GULP1: variants seen among roughly 807,000 people sequenced by gnomAD.
GULP1 encodes the protein PTB domain-containing engulfment adapter protein 1.
A neutral mutation model predicts 40.9 loss-of-function variants in GULP1; 19 were observed. That is an observed-to-expected ratio of 0.46 (90% CI 0.32 to 0.68). GULP1 has a LOEUF of 0.68. Ranked by LOEUF, GULP1 falls within the 30% of genes least tolerant of loss-of-function variation. The pLI is 0.03. For synonymous variants in GULP1, 119 were observed against 117.6 expected (o/e 1.01, Z -0.08); for missense variants, 312 against 362.2 (o/e 0.86, Z 1.12).
At chr2:188,398,949 A>T (rs2152609743) in intron 2 of GULP1, among the ~76,000 whole-genome samples, 1 of 152,338 alleles carries the variant, frequency 6.6e-6, no homozygotes, top group Middle Eastern at 3.4e-3. Flanking sequence ...GGAAATTGGC[A>T]AATCATGAAT....
Position 188,584,422 on chromosome 2 carries a change from T to A in GULP1, c.748+19T>A. ...GAGATTAGTAAGCTTTCTCAACAAA[T>A]CAAAGTTTCTTGTTATAGTTGCATA... On this transcript the variant is annotated intron_variant, in intron 10 of 11. Coordinates refer to ENST00000409830, the MANE Select transcript of GULP1 (RefSeq NM_016315.4). 6.7e-7 allele frequency: 1 copy of A among 1,495,076 alleles called. No homozygotes were observed. The highest frequency in any genetic ancestry group is 9.1e-7 in the Non-Finnish European group (1 of 1,096,558). 92.6% of individuals were successfully genotyped at this position (1,495,076 alleles called of 1,614,324 possible). A position where few individuals can be genotyped will look rare whatever the true frequency, so the allele number is the denominator to read the frequency against.
chr2:188,434,881 C>G (rs921046740), intron 2 of GULP1, among the ~76,000 whole-genome samples: 1 of 151,696 alleles, frequency 6.6e-6, no homozygotes, highest in African/African-American at 2.4e-5. Context: ...ATGTTATTTT[C>G]TCCTCCTTTT....
chr2:188,549,164 A>T (rs990665902), intron 7 of GULP1, among the ~76,000 whole-genome samples: 1 of 79,896 alleles, frequency 1.3e-5, no homozygotes, highest in Non-Finnish European at 2.9e-5. Flanking sequence ...TTAGGAAAGC[A>T]TTCTTTTTTT....
chr2:188,555,620 CCTCTT>C (rs1694542288), intron 7 of GULP1, among the ~76,000 whole-genome samples: 1 of 152,138 alleles, frequency 6.6e-6, no homozygotes, highest in South Asian at 2.1e-4. Context: ...TAGACGCTTT[CCTCTT>C]GCTGTTTTTA....
In GULP1 at chr2:188,435,225, G is replaced by C. The variant is rs114349794; in HGVS notation, c.-44-42434G>C. Among the ~76,000 whole-genome samples, 523 of 152,010 alleles carry C rather than the reference G, an allele frequency of 3.4e-3. 1 individual carries two copies. Among genetic ancestry groups the C allele is most frequent in the Middle Eastern group, 0.01 (3 of 294 alleles). ...ACTTAGTCCTGAAAGGTAGCTTTTG[G>C]GAATTCATATGACTCAGATTGTTCC... On this transcript the variant is annotated intron_variant, in intron 2 of 11. Transcript: ENST00000409830.
chr2:188,509,971 A>G (rs2153194548), intron 4 of GULP1, among the ~76,000 whole-genome samples: 1 of 152,214 alleles, frequency 6.6e-6, no homozygotes, highest in Non-Finnish European at 1.5e-5. Context: ...CACAATAAAT[A>G]TTTTTGAGAT....
chr2:188,493,351 C>G (rs1028701172), intron 4 of GULP1, among the ~76,000 whole-genome samples: 2 of 151,972 alleles, frequency 1.3e-5, no homozygotes, highest in Non-Finnish European at 2.9e-5. Flanking sequence ...CTTACTTTTT[C>G]TTCGATGCCT....
At chr2:188,586,985 T>A (rs1398377623) in intron 10 of GULP1, among the ~76,000 whole-genome samples, 3 of 152,198 alleles carry the variant, frequency 2.0e-5, no homozygotes, top group South Asian at 4.1e-4. Context: ...TTAGAGAATG[T>A]AAAGTTCTCT....
intron 2 of GULP1, among the ~76,000 whole-genome samples, chr2:188,422,287 A>G (rs548888754): frequency 6.6e-6 from 1 of 151,722 alleles, no homozygotes; most frequent in East Asian, 1.9e-4. Flanking sequence ...TTATTATATC[A>G]CTGGTCCTTT....
At chr2:188,318,810 C>T (rs1262984585) in intron 1 of GULP1, among the ~76,000 whole-genome samples, 2 of 152,148 alleles carry the variant, frequency 1.3e-5, no homozygotes, top group Non-Finnish European at 2.9e-5. Context: ...AGCTGCTATT[C>T]TAGGCGCGCT....
chr2:188,329,660 A>C (rs1308287862), intron 1 of GULP1, among the ~76,000 whole-genome samples: 1 of 152,152 alleles, frequency 6.6e-6, no homozygotes, highest in Non-Finnish European at 1.5e-5. Context: ...TGATAAGCTT[A>C]TAATGTGTCA....
At chr2:188,468,544 T>G (rs1355776394) in intron 2 of GULP1, among the ~76,000 whole-genome samples, 1 of 152,214 alleles carries the variant, frequency 6.6e-6, no homozygotes, top group Non-Finnish European at 1.5e-5. Context: ...ACACCATTAT[T>G]TTGAAAAAAC....
chr2:188,438,550 TG>T, intron 2 of GULP1, among the ~76,000 whole-genome samples: 1 of 151,630 alleles, frequency 6.6e-6, no homozygotes, highest in African/African-American at 2.4e-5. Context: ...ATAATAATTT[TG>T]TTTTTTTCTG....
At chr2:188,567,244 C>T (rs1697941423) in intron 7 of GULP1, among the ~76,000 whole-genome samples, 1 of 152,108 alleles carries the variant, frequency 6.6e-6, no homozygotes, top group African/African-American at 2.4e-5. Context: ...GGATCTAGAA[C>T]TAGAACTACC....
chr2:188,549,616 A>G lies in GULP1; in HGVS notation c.399+8298A>G, dbSNP rs140673360. On this transcript the variant is annotated intron_variant, in intron 7 of 11. Coordinates refer to ENST00000409830, the MANE Select transcript of GULP1 (RefSeq NM_016315.4). Reference sequence around the variant, plus strand: ...AAGAAACTGAACATGCAGCTGTCCTATGAAATACTTGGACATTTATCCCAG... The same window carrying G: ...AAGAAACTGAACATGCAGCTGTCCTGTGAAATACTTGGACATTTATCCCAG... Among the ~76,000 whole-genome samples, 699 of 151,942 alleles carry G rather than the reference A, an allele frequency of 4.6e-3. 8 individuals are homozygous for G. The highest frequency in any genetic ancestry group is 0.016 in the African/African-American group (667 of 41,532).
At chr2:188,406,722 T>C (rs564452635) in intron 2 of GULP1, among the ~76,000 whole-genome samples, 54 of 152,092 alleles carry the variant, frequency 3.6e-4, no homozygotes, top group Middle Eastern at 3.4e-3. Context: ...ACAAGACTTA[T>C]GGGACAGCAT....
chr2:188,508,358 G>C (rs2064142585), intron 4 of GULP1, among the ~76,000 whole-genome samples: 1 of 152,040 alleles, frequency 6.6e-6, no homozygotes, highest in Admixed American at 6.6e-5. Context: ...TCTATAATAA[G>C]ATTGGCCTAA....
chr2:188,312,390 A>G (rs901546772), intron 1 of GULP1, among the ~76,000 whole-genome samples: 1 of 152,104 alleles, frequency 6.6e-6, no homozygotes, highest in African/African-American at 2.4e-5. Context: ...AAATGAGAAC[A>G]TGTGGTATTT....
intron 3 of GULP1, among the ~76,000 whole-genome samples, chr2:188,479,036 A>G (rs1183370927): frequency 5.9e-5 from 9 of 152,154 alleles, no homozygotes; most frequent in African/African-American, 2.2e-4. Context: ...CCATTTAGCC[A>G]TGGGGTTGAG....
Sources: allele counts gnomAD v4.1 joint callset (sites outside exome capture counted in the v4.1 genomes callset), GRCh38; gene constraint gnomAD v4.1.1; transcripts MANE v1.5; gene names NCBI Gene and HGNC (gene_info 2026-07-23, HGNC 2026-07-21).